MTOR: variants seen among roughly 807,000 people sequenced by gnomAD.
MTOR encodes the protein serine/threonine-protein kinase mTOR.
In MTOR, 70 loss-of-function variants were observed where a neutral mutation model predicts 319.8. The ratio of observed to expected loss-of-function variants is 0.22; its 90% CI spans 0.18 to 0.27. The LOEUF (loss-of-function observed/expected upper bound fraction) is 0.27. Ranked by LOEUF, MTOR falls within the 10% of genes least tolerant of loss-of-function variation. The pLI is 1.00. For missense variants in MTOR, 1,890 were observed against 3,274.4 expected, an observed-to-expected ratio of 0.58 and a Z score of 10.32; for synonymous variants, 1,183 against 1,211.4, an observed-to-expected ratio of 0.98 and a Z score of 0.49.
intron 28 of MTOR, chr1:11,189,771 T>C (rs755811846): frequency 2.5e-6 from 4 of 1,613,918 alleles, no homozygotes; most frequent in Non-Finnish European, 3.4e-6. Flanking sequence ...GCCTGCTGAG[T>C]GAACTGAACA....
At chr1:11,145,508 C>T (rs1048712888) in intron 32 of MTOR, among the ~76,000 whole-genome samples, 1 of 152,032 alleles carries the variant, frequency 6.6e-6, no homozygotes, top group Admixed American at 6.5e-5. Context: ...TCCCAAGTAG[C>T]TGGGATGCTG....
At chr1:11,229,157 T>C (rs963174248) in intron 18 of MTOR, among the ~76,000 whole-genome samples, 2 of 152,194 alleles carry the variant, frequency 1.3e-5, no homozygotes, top group African/African-American at 4.8e-5. Context: ...CCTAAAACAG[T>C]ACATGATGGG....
Position 11,114,433 on chromosome 1 carries a change from G to A in MTOR, c.7185C>T (p.Asn2395=), listed in dbSNP as rs2100316861. The change falls in exon 53 of 58, where the codon AAC becomes AAT. Residue 2395 remains asparagine (N), a synonymous_variant. Transcript: ENST00000361445. The part of the protein sequence containing the change: ...NAMEVTGLDG[N]YRITCHTVME... ...TCACTGTGTGGCATGTGATTCTGTAGTTGCCATCCAGGCCTGTAACCTAGA... is the reference window on the plus strand; with the variant it reads ...TCACTGTGTGGCATGTGATTCTGTAATTGCCATCCAGGCCTGTAACCTAGA... 1 of 1,614,188 alleles carries A rather than the reference G, an allele frequency of 6.2e-7. No individual in the cohort carries two copies. Among genetic ancestry groups the A allele is most frequent in the Non-Finnish European group, 8.5e-7 (1 of 1,180,036 alleles).
chr1:11,225,254 G>GT (rs1178092268), intron 19 of MTOR, among the ~76,000 whole-genome samples: 1 of 152,028 alleles, frequency 6.6e-6, no homozygotes, highest in East Asian at 1.9e-4. Context: ...CTTACGGTAT[G>GT]TAAGCTTTAA....
In MTOR at chr1:11,179,020, G is replaced by A. The variant is rs181328314; in HGVS notation, c.4254-11503C>T. Among the ~76,000 whole-genome samples the A allele has an allele frequency of 1.3e-3, 205 of 152,260 alleles. 1 individual carries two copies. Among genetic ancestry groups the A allele is most frequent in the African/African-American group, 4.7e-3 (194 of 41,536 alleles). On this transcript the variant is annotated intron_variant, in intron 28 of 57. Coordinates refer to ENST00000361445, the MANE Select transcript of MTOR (RefSeq NM_004958.4). ...TAATGATGCCCATTCTGGGTTCAGG[G>A]AAAAGAAAAAACCATGCCCACCTTC...
rs769017200 is a variant in MTOR, at chr1:11,128,078, G to A, written c.5959C>T (p.Arg1987Trp). 1.2e-6 allele frequency: 2 copies of A among 1,614,158 alleles called. No individual in the cohort carries two copies. The highest frequency in any genetic ancestry group is 8.5e-7 in the Non-Finnish European group (1 of 1,180,042). The change falls in exon 43 of 58, where the codon CGG becomes TGG. Residue 1987 changes from arginine to tryptophan, a missense_variant. Physicochemically the swap from Arg to Trp is moderately radical, Grantham distance 101. Around this residue, in one of 15 missense-constraint regions of MTOR, gnomAD observed 249 missense variants for 596.2 expected, o/e 0.42. Transcript: ENST00000361445. This position sits in a 1 kb window ranked among gnomAD's most constrained non-coding sequence, Gnocchi z 5.3. ...TVASKSTTTA[R>W]HNAANKILKN... is the part of the protein sequence containing the mutation. ...AGAATCTTGTTGGCTGCATTGTGCC[G>A]GGCTGTCGTGGTAGACTTAGAAGCC...
intron 20 of MTOR, among the ~76,000 whole-genome samples, chr1:11,213,807 T>C (rs1319947666): frequency 6.6e-6 from 1 of 152,224 alleles, no homozygotes; most frequent in Non-Finnish European, 1.5e-5. Flanking sequence ...GCTTTGCTCA[T>C]GCTGCTTCCT....
chr1:11,237,901 C>T lies in MTOR; in HGVS notation c.2150G>A (p.Arg717Gln), dbSNP rs566273004. The T allele has an allele frequency of 3.7e-6, 6 of 1,614,116 alleles. No individual in the cohort carries two copies. Among genetic ancestry groups the T allele is most frequent in the East Asian group, 4.5e-5 (2 of 44,878 alleles). ...AAAGGCAGGGTTCATGCTACTGAGT[C>T]GGCCCACAGTGCAGATGGCCAGCTC... ...IRELAICTVGRLSSMNPAFVM... is the reference protein window; with the variant it reads ...IRELAICTVGQLSSMNPAFVM... Residue 717 changes from arginine to glutamine, a missense_variant, in exon 13 of 58, where the codon CGA becomes CAA. This residue lies in a region of MTOR where 377 missense variants were observed against 653.9 expected (regional missense o/e 0.58). Coordinates refer to ENST00000361445, the MANE Select transcript of MTOR (RefSeq NM_004958.4).
At chr1:11,196,664 C>G (rs541336463) in intron 28 of MTOR, among the ~76,000 whole-genome samples, 2 of 151,956 alleles carry the variant, frequency 1.3e-5, no homozygotes, top group African/African-American at 4.8e-5. Flanking sequence ...ACCATCCTGG[C>G]CAACATGGTG....
chr1:11,138,677 G>C lies in MTOR; in HGVS notation c.5130+627C>G, dbSNP rs191489434. Among the ~76,000 whole-genome samples the C allele has an allele frequency of 6.6e-5, 10 of 152,284 alleles. No individual in the cohort carries two copies. The East Asian group carries it at 1.7e-3, about 26-fold the overall frequency. The stretch of plus-strand genomic sequence containing the variant: ...TCTTCCTTTTAAGAAGGAGGAAGGG[G>C]AAGCCAAAGCAGGTGATGACTTTGC... On this transcript the variant is annotated intron_variant, in intron 36 of 57. Coordinates refer to ENST00000361445, the MANE Select transcript of MTOR (RefSeq NM_004958.4).
At chr1:11,159,814 C>G (rs1461247128) in intron 29 of MTOR, among the ~76,000 whole-genome samples, 1 of 152,048 alleles carries the variant, frequency 6.6e-6, no homozygotes, top group South Asian at 2.1e-4. Context: ...CAAGGCAAAC[C>G]ACAGTAAGCA....
At position 11,115,368 on chromosome 1, in the gene MTOR, AG is replaced by A. The variant is rs1464445027; in HGVS notation, c.7089+27del. 3 of 1,608,492 alleles carry A rather than the reference AG, an allele frequency of 1.9e-6. No homozygotes were observed. Among genetic ancestry groups the A allele is most frequent in the Non-Finnish European group, 2.6e-6 (3 of 1,175,002 alleles). ...GGAAAAGTGATCACCCGGGAAGATG[AG>A]GTTGGGGTTCTAGAACATGTGTTCA... On this transcript the variant is annotated intron_variant, in intron 51 of 57. Coordinates refer to ENST00000361445, the MANE Select transcript of MTOR (RefSeq NM_004958.4). The surrounding 1 kb of genome is among the most constrained non-coding windows in gnomAD (Gnocchi z 4.5).
intron 1 of MTOR, among the ~76,000 whole-genome samples, chr1:11,261,627 G>C (rs1438741390): frequency 6.6e-6 from 1 of 152,066 alleles, no homozygotes; most frequent in Non-Finnish European, 1.5e-5. Flanking sequence ...GAAAGAATTT[G>C]TAAGGCACAG....
intron 53 of MTOR, among the ~76,000 whole-genome samples, chr1:11,113,739 A>C (rs993550180): frequency 6.6e-6 from 1 of 151,842 alleles, no homozygotes; most frequent in Non-Finnish European, 1.5e-5. Context: ...CTGCCTCCTG[A>C]GCAGGTAGGA....
At chr1:11,239,561 T>C (rs1408650388) in intron 11 of MTOR, among the ~76,000 whole-genome samples, 1 of 149,448 alleles carries the variant, frequency 6.7e-6, no homozygotes, top group East Asian at 1.9e-4. Context: ...TGTGGGGTAT[T>C]ATTATGGGTT....
chr1:11,180,586 T>C (rs1047602480), intron 28 of MTOR, among the ~76,000 whole-genome samples: 1 of 152,192 alleles, frequency 6.6e-6, no homozygotes, highest in Non-Finnish European at 1.5e-5. Context: ...AGAAGCTCTG[T>C]AGTTCAGAGA....
chr1:11,195,345 T>C (rs1386845050), intron 28 of MTOR: 1 of 247,388 alleles, frequency 4.0e-6, no homozygotes, highest in African/African-American at 2.2e-5. Flanking sequence ...AAGAAAATAA[T>C]TTTGAGATCG....
At chr1:11,189,953 CAGGTA>C in intron 28 of MTOR, 1 of 1,605,588 alleles carries the variant, frequency 6.2e-7, no homozygotes, top group Non-Finnish European at 8.5e-7. Flanking sequence ...CAGACCTCCG[CAGGTA>C]AGGAGACCAG....
rs1642943563 is a variant in MTOR at position 11,128,243 on chromosome 1, G to C, written c.5911-117C>G. On this transcript the variant is annotated intron_variant, in intron 42 of 57. Transcript: ENST00000361445. This position sits in a 1 kb window ranked among gnomAD's most constrained non-coding sequence, Gnocchi z 5.3. ...GAGTGTGACATTAACATCTGCTTGA[G>C]ACTACCAGGAAGGGGCTCAGTCTTC... 4 of 1,441,114 alleles carry C rather than the reference G, an allele frequency of 2.8e-6. No individual in the cohort carries two copies. Among genetic ancestry groups the C allele is most frequent in the African/African-American group, 2.8e-5 (2 of 70,670 alleles). 89.3% of individuals were successfully genotyped at this position (1,441,114 alleles called of 1,614,324 possible). A position where few individuals can be genotyped will look rare whatever the true frequency, so the allele number is the denominator to read the frequency against.
Sources: allele counts gnomAD v4.1 joint callset (sites outside exome capture counted in the v4.1 genomes callset), GRCh38; gene constraint gnomAD v4.1.1; regional missense constraint gnomAD v4.1.1; non-coding constraint Gnocchi (gnomAD v3.1); transcripts MANE v1.5; gene names NCBI Gene and HGNC (gene_info 2026-07-23, HGNC 2026-07-21).